The following DAB1 variants were observed in gnomAD, a reference collection of about 807,000 sequenced individuals.
The protein encoded by DAB1 is disabled homolog 1.
DAB1 carries 15 observed loss-of-function variants against 64.6 expected under a neutral mutation model. The observed-to-expected ratio is 0.23, with a 90% CI of 0.16 to 0.36. The LOEUF is 0.36. DAB1 is among the 10% of genes least tolerant of loss of function. DAB1 has a pLI of 1.00. For missense variants in DAB1, 596 were observed against 706.7 expected (o/e 0.84, Z 1.78); for synonymous variants, 235 against 251.9 (o/e 0.93, Z 0.64).
chr1:57,374,433 T>C (rs900827323), intron 1 of DAB1, among the ~76,000 whole-genome samples: 1 of 152,228 alleles, frequency 6.6e-6, no homozygotes, highest in Non-Finnish European at 1.5e-5. Context: ...AAGCAAGCTT[T>C]TTATGGAAGT....
intron 6 of DAB1, among the ~76,000 whole-genome samples, chr1:57,671,417 G>A (rs1052275171): frequency 3.3e-5 from 5 of 152,042 alleles, no homozygotes; most frequent in African/African-American, 1.2e-4. Context: ...TCCCAATTTA[G>A]ACCAATGAGG....
intron 1 of DAB1, among the ~76,000 whole-genome samples, chr1:57,393,565 A>G (rs1682564249): frequency 6.6e-6 from 1 of 152,104 alleles, no homozygotes; most frequent in African/African-American, 2.4e-5. Flanking sequence ...GCATGGTGGC[A>G]TGCACCTGTA....
intron 5 of DAB1, among the ~76,000 whole-genome samples, chr1:58,055,710 G>A (rs1319363251): frequency 6.6e-6 from 1 of 152,046 alleles, no homozygotes; most frequent in African/African-American, 2.4e-5. Context: ...AGGGTGAGCA[G>A]TCACAGGCCT....
intron 5 of DAB1, among the ~76,000 whole-genome samples, chr1:58,031,544 C>A (rs1646970000): frequency 6.6e-6 from 1 of 152,198 alleles, no homozygotes; most frequent in South Asian, 2.1e-4. Context: ...GCCAGGATGG[C>A]TTCAGCCCTC....
chr1:58,535,612 A>G (rs1646504418), intron 1 of DAB1, among the ~76,000 whole-genome samples: 1 of 151,898 alleles, frequency 6.6e-6, no homozygotes, highest in Non-Finnish European at 1.5e-5. Context: ...AAAAAAAAAA[A>G]AAAGATTCAG....
chr1:58,050,795 C>T (rs1425824236), intron 5 of DAB1, among the ~76,000 whole-genome samples: 3 of 152,152 alleles, frequency 2.0e-5, no homozygotes, highest in Non-Finnish European at 4.4e-5. Context: ...TCCCAAAGTG[C>T]TGAGATTACA....
chr1:57,764,092 G>A (rs1649203916), intron 6 of DAB1, among the ~76,000 whole-genome samples: 1 of 152,076 alleles, frequency 6.6e-6, no homozygotes, highest in African/African-American at 2.4e-5. Flanking sequence ...TAATTACCTT[G>A]ACCAAGGGCA....
chr1:57,584,623 T>C (rs1050834439), intron 7 of DAB1, among the ~76,000 whole-genome samples: 3 of 152,166 alleles, frequency 2.0e-5, no homozygotes, highest in African/African-American at 7.2e-5. Context: ...AACAGAAATA[T>C]CACTCAGACC....
intron 7 of DAB1, among the ~76,000 whole-genome samples, chr1:57,487,304 C>T (rs545514783): frequency 6.6e-6 from 1 of 152,328 alleles, no homozygotes; most frequent in Non-Finnish European, 1.5e-5. Context: ...TGGCATGGAA[C>T]ATCTTTGACC....
intron 5 of DAB1, among the ~76,000 whole-genome samples, chr1:58,139,011 C>T (rs530372169): frequency 6.6e-6 from 1 of 152,136 alleles, no homozygotes; most frequent in Admixed American, 6.5e-5. Flanking sequence ...AATATATTTC[C>T]CTTAGCTTAA....
chr1:58,224,812 A>C (rs547781761), intron 4 of DAB1, among the ~76,000 whole-genome samples: 1 of 152,298 alleles, frequency 6.6e-6, no homozygotes, highest in Non-Finnish European at 1.5e-5. Flanking sequence ...AAATTAATTC[A>C]AGATGGATTA....
intron 2 of DAB1, among the ~76,000 whole-genome samples, chr1:57,232,175 CATG>C (rs1667726227): frequency 6.6e-6 from 1 of 151,566 alleles, no homozygotes; most frequent in Non-Finnish European, 1.5e-5. Context: ...TTTTATATGA[CATG>C]CAAGACCAAT....
intron 6 of DAB1, among the ~76,000 whole-genome samples, chr1:57,740,243 T>C (rs2101788681): frequency 6.6e-6 from 1 of 152,084 alleles, no homozygotes; most frequent in Non-Finnish European, 1.5e-5. Flanking sequence ...AAATCATCCA[T>C]AAGCCACATA....
intron 1 of DAB1, among the ~76,000 whole-genome samples, chr1:57,368,493 C>G (rs1680243133): frequency 1.3e-5 from 2 of 152,190 alleles, no homozygotes; most frequent in Admixed American, 6.5e-5. Context: ...TCAGCCAGAG[C>G]TGAGCAGACT....
At chr1:58,219,911 G>A (rs1487340988) in intron 4 of DAB1, among the ~76,000 whole-genome samples, 5 of 152,238 alleles carry the variant, frequency 3.3e-5, no homozygotes. Context: ...GCTTACAATA[G>A]GCTTTTTATT....
At chr1:57,898,691 A>G (rs2101991633) in intron 5 of DAB1, among the ~76,000 whole-genome samples, 1 of 152,304 alleles carries the variant, frequency 6.6e-6, no homozygotes, top group East Asian at 1.9e-4. Context: ...CTGTTGAGTT[A>G]CTTGGTGTCT....
At chr1:57,590,601 G>C (rs560580368) in intron 7 of DAB1, among the ~76,000 whole-genome samples, 2 of 152,046 alleles carry the variant, frequency 1.3e-5, no homozygotes, top group African/African-American at 4.8e-5. Flanking sequence ...AAAGTGCTAG[G>C]ATTACAGGTG....
intron 6 of DAB1, among the ~76,000 whole-genome samples, chr1:57,655,877 A>C (rs1161989688): frequency 6.6e-6 from 1 of 152,188 alleles, no homozygotes; most frequent in African/African-American, 2.4e-5. Context: ...AATGAGGTAA[A>C]AAATTTAACC....
intron 5 of DAB1, among the ~76,000 whole-genome samples, chr1:58,085,708 A>T (rs1249639104): frequency 6.6e-6 from 1 of 152,072 alleles, no homozygotes; most frequent in African/African-American, 2.4e-5. Flanking sequence ...TTAAAAAAAA[A>T]AGTATTAAAA....
Sources: allele counts gnomAD v4.1 joint callset (sites outside exome capture counted in the v4.1 genomes callset), GRCh38; gene constraint gnomAD v4.1.1; transcripts MANE v1.5; gene names NCBI Gene and HGNC (gene_info 2026-07-23, HGNC 2026-07-21).